The following UBE3D variants were observed in gnomAD, a reference collection of about 807,000 sequenced individuals.
UBE3D encodes E3 ubiquitin-protein ligase E3D.
In UBE3D, 48 loss-of-function variants were observed where a neutral mutation model predicts 49.6. That is an observed-to-expected ratio of 0.97 (90% confidence interval 0.77 to 1.23). The LOEUF (loss-of-function observed/expected upper bound fraction) is 1.23, where lower values mean the gene tolerates loss of function less well. Ranked by LOEUF, UBE3D falls within the 50% of genes most tolerant of loss-of-function variation. The probability of loss-of-function intolerance (pLI) is 0.00; values close to 1 mark genes in which losing one functional copy is unlikely to be tolerated. For missense variants in UBE3D, 452 were observed against 468.4 expected, an observed-to-expected ratio of 0.96 and a Z score of 0.32; for synonymous variants, 189 against 174.2, an observed-to-expected ratio of 1.08 and a Z score of -0.67.
intron 8 of UBE3D, among the ~76,000 whole-genome samples, chr6:82,985,008 CT>C (rs70987727): frequency 1.0e-3 from 54 of 53,000 alleles, no homozygotes; most frequent in African/African-American, 2.8e-3. Flanking sequence ...TCTTCTTCTT[CT>C]TTTTTTTTTT....
intron 8 of UBE3D, among the ~76,000 whole-genome samples, chr6:82,972,582 A>T (rs1777431742): frequency 6.6e-6 from 1 of 152,230 alleles, no homozygotes; most frequent in East Asian, 1.9e-4. Context: ...GCTCTTAAAA[A>T]TAATCATATA....
chr6:82,915,709 G>A (rs973426360), intron 9 of UBE3D, among the ~76,000 whole-genome samples: 1 of 152,194 alleles, frequency 6.6e-6, no homozygotes, highest in Non-Finnish European at 1.5e-5. Context: ...CTTACAAACA[G>A]TAATGTTCCA....
rs34566948 is a variant in UBE3D, at chr6:82,957,319, G to T, written c.1142C>A (p.Ser381Tyr). Reference sequence around the variant, plus strand: ...AAAGAAGCCATTGCTCACCTGAAAGGAATTCACACGGCGAAGGGATGAAGG... The same window carrying T: ...AAAGAAGCCATTGCTCACCTGAAAGTAATTCACACGGCGAAGGGATGAAGG... ...NLPSSLRRVNSFQVAFLKM is the reference protein window; with the variant it reads ...NLPSSLRRVNYFQVAFLKM The change falls in exon 9 of 10, where the codon TCC (serine) becomes TAC (tyrosine). Residue 381 changes from serine (S) to tyrosine (Y), a missense_variant. Ser to Tyr is a moderately radical substitution (Grantham distance 144, BLOSUM62 -2). Transcript: ENST00000369747. The T allele has an allele frequency of 7.4e-3, 11,969 of 1,613,680 alleles. 60 individuals are homozygous for T. Among genetic ancestry groups the T allele is most frequent in the Middle Eastern group, 0.012 (74 of 6,060 alleles).
At chr6:82,916,725 CA>C (rs1772940228) in intron 9 of UBE3D, among the ~76,000 whole-genome samples, 4 of 152,194 alleles carry the variant, frequency 2.6e-5, no homozygotes, top group Admixed American at 2.6e-4. Flanking sequence ...ACAGGAAAAA[CA>C]AATACAAATG....
At chr6:83,028,207 GT>G (rs1781619000) in intron 5 of UBE3D, among the ~76,000 whole-genome samples, 1 of 152,176 alleles carries the variant, frequency 6.6e-6, no homozygotes, top group Middle Eastern at 3.4e-3. Context: ...TTGTTTTACA[GT>G]TTACACACAA....
At chr6:83,039,621 GTGTTTTGTTTTTTTT>G (rs529387193) in intron 4 of UBE3D, among the ~76,000 whole-genome samples, 1 of 151,828 alleles carries the variant, frequency 6.6e-6, no homozygotes, top group Non-Finnish European at 1.5e-5. Flanking sequence ...GTGGATTACT[GTGTTTTGTTTTTTTT>G]TGTTTTGTTT....
chr6:82,994,101 T>C (rs950424), intron 8 of UBE3D, among the ~76,000 whole-genome samples: 5,192 of 152,282 alleles, frequency 0.034, 139 homozygotes, highest in East Asian at 0.1. Flanking sequence ...TAAACTTCTA[T>C]GTATGCATGT....
At chr6:82,993,442 T>A (rs563924864) in intron 8 of UBE3D, among the ~76,000 whole-genome samples, 1 of 152,190 alleles carries the variant, frequency 6.6e-6, no homozygotes, top group Non-Finnish European at 1.5e-5. Context: ...AATCCACCCA[T>A]GTTCAAGTCC....
At chr6:83,012,357 T>A (rs6905767) in intron 8 of UBE3D, among the ~76,000 whole-genome samples, 98,715 of 152,002 alleles carry the variant, frequency 0.65, 32,969 homozygotes, top group East Asian at 0.78. Context: ...TGGTGCCATA[T>A]CAAGGGCTCA....
At chr6:82,933,855 C>T (rs778414376) in intron 9 of UBE3D, among the ~76,000 whole-genome samples, 3 of 152,090 alleles carry the variant, frequency 2.0e-5, no homozygotes, top group Non-Finnish European at 4.4e-5. Context: ...TTCCATGGAC[C>T]AGAAGCACAC....
intron 9 of UBE3D, among the ~76,000 whole-genome samples, chr6:82,926,471 TTGA>T (rs1275564430): frequency 1.3e-5 from 2 of 152,148 alleles, no homozygotes; most frequent in Non-Finnish European, 2.9e-5. Flanking sequence ...ACCTTTGGTA[TTGA>T]TGATATGGTA....
downstream of UBE3D, among the ~76,000 whole-genome samples, chr6:82,888,961 T>G (rs1275367028): frequency 1.3e-5 from 2 of 152,198 alleles, no homozygotes; most frequent in Non-Finnish European, 2.9e-5. Flanking sequence ...TATCTTACAA[T>G]GTACAATGTA....
chr6:82,928,951 A>T (rs188378), intron 9 of UBE3D, among the ~76,000 whole-genome samples: 2 of 151,954 alleles, frequency 1.3e-5, no homozygotes, highest in African/African-American at 4.8e-5. Context: ...CACCTTAATC[A>T]ATTATTCTGC....
chr6:83,001,642 C>T (rs1779644368), intron 8 of UBE3D, among the ~76,000 whole-genome samples: 1 of 152,122 alleles, frequency 6.6e-6, no homozygotes. Flanking sequence ...GGAAGGACTA[C>T]AAGGAAAGGG....
intron 8 of UBE3D, among the ~76,000 whole-genome samples, chr6:82,997,226 G>A (rs972631301): frequency 6.6e-6 from 1 of 152,126 alleles, no homozygotes; most frequent in Non-Finnish European, 1.5e-5. Context: ...AAGAAGGCAT[G>A]TGCAAAGGTC....
At chr6:82,899,748 A>G (rs1262475501) in intron 9 of UBE3D, among the ~76,000 whole-genome samples, 1 of 152,200 alleles carries the variant, frequency 6.6e-6, no homozygotes, top group Non-Finnish European at 1.5e-5. Flanking sequence ...TTTTAGAATA[A>G]CTGGACTACG....
At chr6:83,043,333 T>C (rs1048748176) in intron 4 of UBE3D, among the ~76,000 whole-genome samples, 1 of 151,818 alleles carries the variant, frequency 6.6e-6, no homozygotes, top group Non-Finnish European at 1.5e-5. Context: ...TAGTATATAT[T>C]TAGATTAAAA....
intron 9 of UBE3D, among the ~76,000 whole-genome samples, chr6:82,926,449 A>G (rs183725927): frequency 6.6e-6 from 1 of 152,138 alleles, no homozygotes; most frequent in African/African-American, 2.4e-5. Flanking sequence ...CTGTGTGGAA[A>G]TAAGTTTGAG....
chr6:83,064,261 G>GT (rs1261666025), intron 1 of UBE3D, among the ~76,000 whole-genome samples: 2 of 151,590 alleles, frequency 1.3e-5, no homozygotes, highest in African/African-American at 2.4e-5. Flanking sequence ...GTCTCTTTCT[G>GT]TTGCCAGGCT....
Sources: allele counts gnomAD v4.1 joint callset (sites outside exome capture counted in the v4.1 genomes callset), GRCh38; gene constraint gnomAD v4.1.1; transcripts MANE v1.5; gene names NCBI Gene and HGNC (gene_info 2026-07-23, HGNC 2026-07-21).